Variants in TRAK1 observed in about 807,000 individuals in gnomAD.
The protein encoded by TRAK1 is trafficking kinesin protein 1, also known as trafficking kinesin-binding protein 1.
TRAK1 carries 33 observed loss-of-function variants against 92.1 expected under a neutral mutation model. That is an observed-to-expected ratio of 0.36 (90% confidence interval 0.27 to 0.48). The LOEUF is 0.48. Ranked by LOEUF, TRAK1 falls within the 20% of genes least tolerant of loss-of-function variation. The probability of loss-of-function intolerance (pLI) is 0.99; values close to 1 mark genes in which losing one functional copy is unlikely to be tolerated. For synonymous variants in TRAK1, 521 were observed against 517.3 expected, an observed-to-expected ratio of 1.01 and a Z score of -0.10; for missense variants, 1,123 against 1,257.9, an observed-to-expected ratio of 0.89 and a Z score of 1.62.
At chr3:42,160,296 G>T in intron 2 of TRAK1, 1 of 1,591,074 alleles carries the variant, frequency 6.3e-7, no homozygotes, top group East Asian at 2.2e-5. Flanking sequence ...CTCTGGGTAG[G>T]GGGTCGGGGG....
intron 1 of TRAK1, among the ~76,000 whole-genome samples, chr3:42,106,794 G>A (rs1223004706): frequency 6.6e-6 from 1 of 151,994 alleles, no homozygotes; most frequent in Non-Finnish European, 1.5e-5. Flanking sequence ...AATATTTTTT[G>A]GATGAGTTTG....
chr3:42,097,625 G>T (rs935813771), intron 1 of TRAK1, among the ~76,000 whole-genome samples: 2 of 152,254 alleles, frequency 1.3e-5, no homozygotes, highest in East Asian at 1.9e-4. Flanking sequence ...TGGAGTGATT[G>T]CCTCCAAAAT....
At chr3:42,047,558 C>G (rs887701062) in intron 1 of TRAK1, among the ~76,000 whole-genome samples, 1 of 150,456 alleles carries the variant, frequency 6.6e-6, no homozygotes, top group African/African-American at 2.4e-5. Context: ...TTAAGATTTA[C>G]TTTTTCTAAT....
In TRAK1 at chr3:42,146,561, T is replaced by A. The variant is rs550164126; in HGVS notation, c.286+20947T>A. Among the ~76,000 whole-genome samples the A allele has an allele frequency of 5.9e-5, 9 of 152,288 alleles. No individual in the cohort carries two copies. The South Asian group carries it at 1.0e-3, about 18-fold the overall frequency. On this transcript the variant is annotated intron_variant, in intron 2 of 15. Coordinates refer to ENST00000327628, the MANE Select transcript of TRAK1 (RefSeq NM_001042646.3). The stretch of plus-strand genomic sequence containing the variant: ...GCATTTCCTGTTCCTTTATTTTATT[T>A]TTTTAGTTTTTGGGGTAAGGTCTCA...
chr3:42,054,658 T>C (rs1576193483), intron 1 of TRAK1, among the ~76,000 whole-genome samples: 1 of 152,298 alleles, frequency 6.6e-6, no homozygotes, highest in East Asian at 1.9e-4. Context: ...GTTCCCAGCA[T>C]GGTAGAAATA....
chr3:42,194,058 C>T (rs1040247170), intron 9 of TRAK1, among the ~76,000 whole-genome samples, 160 bp downstream of exon 9: 1 of 152,210 alleles, frequency 6.6e-6, no homozygotes, highest in Admixed American at 6.5e-5. Flanking sequence ...CACCTTGGTT[C>T]TGTGCCCACT....
chr3:42,070,115 G>A (rs1703854245), intron 1 of TRAK1, among the ~76,000 whole-genome samples: 1 of 151,894 alleles, frequency 6.6e-6, no homozygotes. Context: ...GCCCCACAAA[G>A]GCCGGGATTA....
At chr3:42,093,783 ACCT>A in intron 1 of TRAK1, among the ~76,000 whole-genome samples, 1 of 139,582 alleles carries the variant, frequency 7.2e-6, no homozygotes, top group East Asian at 2.1e-4. Context: ...GCTCACTACA[ACCT>A]CCACCTCCCA....
intron 2 of TRAK1, among the ~76,000 whole-genome samples, chr3:42,157,511 G>GACCGCTCCA (rs1427661443): frequency 7.1e-6 from 1 of 140,882 alleles, no homozygotes; most frequent in African/African-American, 2.7e-5. Flanking sequence ...GCAGTAGTGG[G>GACCGCTCCA]ACCGCTCCAC....
chr3:42,194,376 G>T (rs1227629387), intron 9 of TRAK1, among the ~76,000 whole-genome samples: 4 of 151,518 alleles, frequency 2.6e-5, no homozygotes, highest in African/African-American at 9.7e-5. Flanking sequence ...GGGACTACAG[G>T]TGTGGGCTAC....
intron 1 of TRAK1, 32 bp from the exon 2 acceptor site, chr3:42,125,388 G>T (rs908155645): frequency 1.3e-6 from 2 of 1,599,932 alleles, no homozygotes; most frequent in African/African-American, 2.7e-5. Context: ...AGCCATTTCT[G>T]GGCTCTCATT....
At chr3:42,199,609 C>T (rs1342807853) in intron 11 of TRAK1, among the ~76,000 whole-genome samples, 2 of 152,154 alleles carry the variant, frequency 1.3e-5, no homozygotes, top group Non-Finnish European at 2.9e-5. Context: ...GCGCATGCCA[C>T]CATTTCCAGC....
At position 42,182,103 on chromosome 3, in the gene TRAK1, A is replaced by G. The variant is rs566570897; in HGVS notation, c.364-2582A>G. ...CAGGCATGAGCCACTGCACCCGGCC[A>G]AGGGAACTTCTTGGTAGACACTGAC... On this transcript the variant is annotated intron_variant, in intron 3 of 15. Coordinates refer to ENST00000327628, the MANE Select transcript of TRAK1 (RefSeq NM_001042646.3). Among the ~76,000 whole-genome samples the G allele has an allele frequency of 2.4e-4, 37 of 151,822 alleles. No individual in the cohort carries two copies. In the South Asian group the frequency reaches 6.7e-3, roughly 27 times the overall value.
At chr3:42,018,639 A>G (rs1442401363) in intron 1 of TRAK1, among the ~76,000 whole-genome samples, 1 of 152,190 alleles carries the variant, frequency 6.6e-6, no homozygotes, top group Admixed American at 6.5e-5. Context: ...GACATTTTCG[A>G]AAAGTATCTC....
rs57651073 is a variant in TRAK1 at position 42,030,689 on chromosome 3, AATATAT to A, written c.-519+16619_-519+16624del. Among the ~76,000 whole-genome samples the A allele has an allele frequency of 1.3e-3, 124 of 97,600 alleles. 3 individuals are homozygous for A. Among genetic ancestry groups the A allele is most frequent in the African/African-American group, 6.6e-3 (119 of 18,020 alleles). The allele number at this position is 97,600 out of a possible 152,430, so 64.0% of individuals were successfully genotyped here. On this transcript the variant is annotated intron_variant, in intron 1 of 16. Transcript: ENST00000487159. Reference sequence around the variant, plus strand: ...CTCCATCTCAAAAAAAAAAAAAAAGAATATATATATATATATATATATATATATATA... The same window carrying A: ...CTCCATCTCAAAAAAAAAAAAAAAGAATATATATATATATATATATATATA...
chr3:42,030,116 C>A (rs986881389), intron 1 of TRAK1, among the ~76,000 whole-genome samples: 18 of 152,148 alleles, frequency 1.2e-4, no homozygotes, highest in Non-Finnish European at 2.1e-4. Flanking sequence ...AAAACATTTA[C>A]ATAATTTTAA....
intron 1 of TRAK1, among the ~76,000 whole-genome samples, chr3:42,113,691 A>G (rs1022291090): frequency 6.6e-6 from 1 of 152,016 alleles, no homozygotes; most frequent in Non-Finnish European, 1.5e-5. Context: ...CTGGGATTAC[A>G]GGCATGAGCC....
chr3:42,160,444 A>C lies in TRAK1; in HGVS notation c.287-16370A>C, dbSNP rs748748734. 5 of 1,614,114 alleles carry C rather than the reference A, an allele frequency of 3.1e-6. No homozygotes were observed. In the African/African-American group the frequency reaches 6.7e-5, roughly 22 times the overall value. ...GAAGAGAGGAAGCCAACCCACAGGC[A>C]GCATGACACCCAGGACCTCTTGGAA... On this transcript the variant is annotated intron_variant, in intron 2 of 15. Coordinates refer to ENST00000327628, the MANE Select transcript of TRAK1 (RefSeq NM_001042646.3).
intron 1 of TRAK1, among the ~76,000 whole-genome samples, chr3:42,092,711 G>GTGTTGTGTTA (rs1400587515): frequency 0.016 from 1,595 of 100,970 alleles, 13 homozygotes; most frequent in South Asian, 0.018. Flanking sequence ...GTGTTGTGTT[G>GTGTTGTGTTA]TGTTATGTTA....
Sources: gnomAD v4.1 joint callset for allele counts (sites outside exome capture counted in the v4.1 genomes callset) on GRCh38, gnomAD v4.1.1 for gene constraint, MANE v1.5 for transcripts, NCBI Gene and HGNC (gene_info 2026-07-23, HGNC 2026-07-21) for gene names.